SEMA6D: variants seen among roughly 807,000 people sequenced by gnomAD.
SEMA6D encodes the protein semaphorin 6D.
Under a neutral mutation model 106.6 loss-of-function variants are expected in SEMA6D, and 35 were observed. The ratio of observed to expected loss-of-function variants is 0.33; its 90% CI spans 0.25 to 0.44. SEMA6D has a LOEUF of 0.44. Ranked by LOEUF, SEMA6D falls within the 20% of genes least tolerant of loss-of-function variation. The probability of loss-of-function intolerance (pLI) is 1.00; values close to 1 mark genes in which losing one functional copy is unlikely to be tolerated. For synonymous variants in SEMA6D, 499 were observed against 487.7 expected (o/e 1.02, Z -0.31); for missense variants, 1,185 against 1,345.9 (o/e 0.88, Z 1.87).
chr15:47,287,695 A>G (rs141774134), intron 1 of SEMA6D, among the ~76,000 whole-genome samples: 20 of 152,318 alleles, frequency 1.3e-4, no homozygotes, highest in African/African-American at 4.8e-4. Flanking sequence ...CTCTGAGATC[A>G]TCTAAGCTTA....
Position 47,539,517 on chromosome 15 carries a change from T to G in SEMA6D, c.-86-61348T>G, listed in dbSNP as rs529152805. ...TCAGCTCACTGCAACCTCTGCCTCC[T>G]GGGTTAAAGCGATTCTCCTGCCTCA... On this transcript the variant is annotated intron_variant, in intron 3 of 19. Transcript: ENST00000558014. 1.3e-4 allele frequency among the ~76,000 whole-genome samples: 20 copies of G among 152,078 alleles called. No homozygotes were observed. In the South Asian group the frequency reaches 4.0e-3, roughly 30 times the overall value.
chr15:47,260,588 CTG>C (rs780775594), intron 1 of SEMA6D, among the ~76,000 whole-genome samples: 1 of 152,112 alleles, frequency 6.6e-6, no homozygotes, highest in East Asian at 1.9e-4. Context: ...TAGGATTTTT[CTG>C]CCTGTGTCAT....
At chr15:47,336,680 A>G (rs183996373) in intron 1 of SEMA6D, among the ~76,000 whole-genome samples, 1 of 152,246 alleles carries the variant, frequency 6.6e-6, no homozygotes, top group East Asian at 1.9e-4. Context: ...TTTATACAGG[A>G]GTGTGCTACC....
At chr15:47,670,915 A>C (rs936370200) in intron 4 of SEMA6D, among the ~76,000 whole-genome samples, 1 of 152,210 alleles carries the variant, frequency 6.6e-6, no homozygotes, top group Non-Finnish European at 1.5e-5. Flanking sequence ...TTCTATAAGT[A>C]TATTTCCTAA....
chr15:47,630,142 G>T (rs1002876284), intron 4 of SEMA6D, among the ~76,000 whole-genome samples: 17 of 151,888 alleles, frequency 1.1e-4, no homozygotes, highest in African/African-American at 3.4e-4. Flanking sequence ...TTCCCTAGTG[G>T]TTGTACTAAC....
At chr15:47,672,288 C>G (rs1383166866) in intron 4 of SEMA6D, among the ~76,000 whole-genome samples, 1 of 152,166 alleles carries the variant, frequency 6.6e-6, no homozygotes, top group Non-Finnish European at 1.5e-5. Context: ...CACTGCAAAA[C>G]CCAACCACAG....
chr15:47,220,165 C>T (rs2031059482), intron 1 of SEMA6D, among the ~76,000 whole-genome samples: 1 of 152,120 alleles, frequency 6.6e-6, no homozygotes, highest in South Asian at 2.1e-4. Flanking sequence ...ACACTCTGCA[C>T]CTTACAGAGA....
intron 3 of SEMA6D, among the ~76,000 whole-genome samples, chr15:47,589,832 T>C (rs1215231799): frequency 6.6e-6 from 1 of 152,152 alleles, no homozygotes; most frequent in Non-Finnish European, 1.5e-5. Flanking sequence ...TTGAGTAGAT[T>C]TGAGTAAAGA....
At chr15:47,441,386 G>A (rs550745237) in intron 2 of SEMA6D, among the ~76,000 whole-genome samples, 1 of 152,250 alleles carries the variant, frequency 6.6e-6, no homozygotes, top group Admixed American at 6.5e-5. Flanking sequence ...TGTAATGTAA[G>A]TTGGGAGGGT....
At chr15:47,568,490 C>CATTAT (rs1024099719) in intron 3 of SEMA6D, among the ~76,000 whole-genome samples, 2 of 151,910 alleles carry the variant, frequency 1.3e-5, no homozygotes, top group African/African-American at 2.4e-5. Flanking sequence ...TACCTGGGCC[C>CATTAT]ATTACATTAC....
chr15:47,540,008 G>A (rs1407682825), intron 3 of SEMA6D, among the ~76,000 whole-genome samples: 6 of 151,926 alleles, frequency 3.9e-5, no homozygotes, highest in African/African-American at 1.5e-4. Flanking sequence ...TGCAAGAGAT[G>A]ATCAGGAGCA....
intron 3 of SEMA6D, among the ~76,000 whole-genome samples, chr15:47,503,413 A>C (rs1438025193): frequency 6.6e-6 from 1 of 152,168 alleles, no homozygotes; most frequent in Non-Finnish European, 1.5e-5. Context: ...CTGTGTGGTG[A>C]AGTCAAAAGA....
At chr15:47,509,095 C>T (rs2141742416) in intron 3 of SEMA6D, among the ~76,000 whole-genome samples, 2 of 152,178 alleles carry the variant, frequency 1.3e-5, no homozygotes, top group African/African-American at 4.8e-5. Flanking sequence ...GAGAGAATCA[C>T]CTCATCATGG....
Position 47,403,065 on chromosome 15 carries a change from T to TAG in SEMA6D, c.-238-9325_-238-9324dup, listed in dbSNP as rs2040449605. ...GGCTAGTCCAGACAGCTAGATTGGG[T>TAG]AGAGGTTCAGTCAAGTTGGCGTACT... On this transcript the variant is annotated intron_variant, in intron 1 of 19. Transcript: ENST00000558014. 3.3e-5 allele frequency among the ~76,000 whole-genome samples: 5 copies of TAG among 152,268 alleles called. No individual in the cohort carries two copies. In the South Asian group the frequency reaches 1.0e-3, roughly 32 times the overall value.
At chr15:47,374,610 T>C (rs564866086) in intron 1 of SEMA6D, among the ~76,000 whole-genome samples, 10 of 152,310 alleles carry the variant, frequency 6.6e-5, no homozygotes, top group African/African-American at 2.4e-4. Flanking sequence ...GATTTGGCTG[T>C]GTCCACTACA....
chr15:47,429,871 C>T (rs1173004300), intron 2 of SEMA6D, among the ~76,000 whole-genome samples: 1 of 152,062 alleles, frequency 6.6e-6, no homozygotes, highest in East Asian at 1.9e-4. Flanking sequence ...AGTTTGGGGA[C>T]CTCAGTAGCA....
intron 1 of SEMA6D, among the ~76,000 whole-genome samples, chr15:47,265,138 G>A (rs1481874663): frequency 6.6e-6 from 1 of 151,952 alleles, no homozygotes; most frequent in Non-Finnish European, 1.5e-5. Flanking sequence ...AGTTAGCTGG[G>A]ATGTGTTCTC....
intron 1 of SEMA6D, among the ~76,000 whole-genome samples, chr15:47,320,873 A>G (rs949086228): frequency 2.6e-5 from 4 of 151,996 alleles, no homozygotes; most frequent in Non-Finnish European, 5.9e-5. Context: ...AGATTTATGT[A>G]TTCCTTGAGA....
chr15:47,300,548 A>G (rs1031139645), intron 1 of SEMA6D, among the ~76,000 whole-genome samples: 3 of 152,114 alleles, frequency 2.0e-5, no homozygotes, highest in Admixed American at 6.6e-5. Flanking sequence ...TCCTTTTTCT[A>G]CTTATATAGC....
Sources: gnomAD v4.1 joint callset for allele counts (sites outside exome capture counted in the v4.1 genomes callset) on GRCh38, gnomAD v4.1.1 for gene constraint, MANE v1.5 for transcripts, NCBI Gene and HGNC (gene_info 2026-07-23, HGNC 2026-07-21) for gene names.